ARHGEF6: variants seen among roughly 807,000 people sequenced by gnomAD.
ARHGEF6 encodes the protein rho guanine nucleotide exchange factor 6.
Under a neutral mutation model 70.3 loss-of-function variants are expected in ARHGEF6, and 9 were observed. The ratio of observed to expected loss-of-function variants is 0.13; its 90% CI spans 0.08 to 0.22. The LOEUF is 0.22. Among genes scored for constraint, ARHGEF6 ranks in the 10% least tolerant of loss-of-function variants. The probability of loss-of-function intolerance (pLI) is 1.00; values close to 1 mark genes in which losing one functional copy is unlikely to be tolerated. For missense variants in ARHGEF6, 470 were observed against 563.0 expected, an observed-to-expected ratio of 0.83 and a Z score of 1.67; for synonymous variants, 201 against 207.8, an observed-to-expected ratio of 0.97 and a Z score of 0.28.
rs182662351 is a variant in ARHGEF6, at chrX:136,697,417, G to A, written c.1047-6669C>T. On this transcript the variant is annotated intron_variant, in intron 9 of 21. Transcript: ENST00000250617. Reference sequence around the variant, plus strand: ...GGATCAGAAGAAACCTCAAAGTCTAGTCTCAAAAAGTGTCTCCACTTGAAC... The same window carrying A: ...GGATCAGAAGAAACCTCAAAGTCTAATCTCAAAAAGTGTCTCCACTTGAAC... Among the ~76,000 whole-genome samples, 96 of 111,951 alleles carry A rather than the reference G, an allele frequency of 8.6e-4. 1 individual carries two copies. Among genetic ancestry groups the A allele is most frequent in the African/African-American group, 3.1e-3 (94 of 30,809 alleles).
chrX:136,775,244 A>C (rs2077395006), intron 2 of ARHGEF6, among the ~76,000 whole-genome samples: 1 of 111,503 alleles, frequency 9.0e-6, no homozygotes, highest in African/African-American at 3.3e-5. Flanking sequence ...ACATGACAAA[A>C]AAAGAAAACT....
At chrX:136,776,952 C>T (rs997757144) in intron 2 of ARHGEF6, among the ~76,000 whole-genome samples, 2 of 111,275 alleles carry the variant, frequency 1.8e-5, no homozygotes, top group Non-Finnish European at 3.8e-5. Context: ...AGGCCGGGTG[C>T]GGTGGCTCAC....
At chrX:136,752,476 G>T (rs908456541) in intron 2 of ARHGEF6, among the ~76,000 whole-genome samples, 1 of 112,255 alleles carries the variant, frequency 8.9e-6, no homozygotes, top group Non-Finnish European at 1.9e-5. Flanking sequence ...CACGTGCAAT[G>T]ACACCTAGCC....
At chrX:136,767,028 G>C in intron 2 of ARHGEF6, 2 of 671,173 alleles carry the variant, frequency 3.0e-6, no homozygotes, top group Non-Finnish European at 3.6e-6. Context: ...CTGGGGCTGC[G>C]AGCCACGGCA....
At chrX:136,680,063 A>G (rs2076318171) in intron 15 of ARHGEF6, among the ~76,000 whole-genome samples, 1 of 112,570 alleles carries the variant, frequency 8.9e-6, no homozygotes, top group African/African-American at 3.2e-5. Context: ...GCAACTAACT[A>G]GTAATTGGCA....
intron 2 of ARHGEF6, among the ~76,000 whole-genome samples, chrX:136,765,484 G>A (rs2077304687): frequency 8.9e-6 from 1 of 111,902 alleles, no homozygotes; most frequent in Admixed American, 9.5e-5. Context: ...CAGACTGTAG[G>A]TAAATAGAAA....
chrX:136,714,058 T>C (rs181669357), intron 6 of ARHGEF6, among the ~76,000 whole-genome samples: 60 of 112,135 alleles, frequency 5.4e-4, no homozygotes, highest in South Asian at 1.1e-3. Flanking sequence ...AGTCTTTTCT[T>C]AAAGGCAAAA....
chrX:136,686,724 A>G (rs1169746956), intron 11 of ARHGEF6, among the ~76,000 whole-genome samples: 3 of 90,746 alleles, frequency 3.3e-5, no homozygotes, highest in African/African-American at 7.9e-5. Context: ...ATATATATAT[A>G]TATATATATA....
chrX:136,670,646 T>C (rs1036728564), intron 20 of ARHGEF6, among the ~76,000 whole-genome samples: 1 of 111,143 alleles, frequency 9.0e-6, no homozygotes, highest in African/African-American at 3.3e-5. Flanking sequence ...ATTCCCGTCA[T>C]AAGGTTTTGA....
intron 6 of ARHGEF6, among the ~76,000 whole-genome samples, chrX:136,720,184 C>G (rs2076780919): frequency 8.9e-6 from 1 of 111,839 alleles, no homozygotes; most frequent in African/African-American, 3.2e-5. Context: ...AAAGACATTA[C>G]AAGAAAACTA....
At chrX:136,732,890 A>G (rs1200333160) in intron 5 of ARHGEF6, among the ~76,000 whole-genome samples, 1 of 111,832 alleles carries the variant, frequency 8.9e-6, no homozygotes, top group Non-Finnish European at 1.9e-5. Context: ...AATTTACTAT[A>G]CAAGTATAAT....
intron 15 of ARHGEF6, among the ~76,000 whole-genome samples, chrX:136,679,975 A>AT (rs1182791071): frequency 8.9e-6 from 1 of 112,123 alleles, no homozygotes; most frequent in Non-Finnish European, 1.9e-5. Flanking sequence ...GAGTTCAGTG[A>AT]TATGTTTGGC....
intron 2 of ARHGEF6, among the ~76,000 whole-genome samples, chrX:136,775,349 T>C (rs746699011): frequency 8.9e-6 from 1 of 112,033 alleles, no homozygotes; most frequent in East Asian, 2.8e-4. Flanking sequence ...TAATACACCA[T>C]GATCAAATGG....
intron 2 of ARHGEF6, among the ~76,000 whole-genome samples, chrX:136,750,741 T>C (rs778277315): frequency 1.8e-5 from 2 of 111,805 alleles, no homozygotes; most frequent in Non-Finnish European, 3.8e-5. Context: ...TTATTAAAGA[T>C]ATTTTAAGTA....
Position 136,693,336 on chromosome X carries a change from C to A in ARHGEF6, c.1047-2588G>T, listed in dbSNP as rs190110341. Among the ~76,000 whole-genome samples the A allele has an allele frequency of 8.5e-3, 947 of 111,853 alleles. 4 individuals are homozygous for A. The highest frequency in any genetic ancestry group is 0.056 in the Middle Eastern group (12 of 214). On this transcript the variant is annotated intron_variant, in intron 9 of 21. Transcript: ENST00000250617. ...AGAAAAGATAATTTTACTAGGGCAA[C>A]AAAAGAACAAAATTGTCCTAAAATG...
At chrX:136,747,913 C>T (rs139241272) in intron 2 of ARHGEF6, among the ~76,000 whole-genome samples, 2 of 110,716 alleles carry the variant, frequency 1.8e-5, no homozygotes, top group Non-Finnish European at 3.8e-5. Context: ...TCAATAGTTT[C>T]AGCCCAGTTA....
At chrX:136,747,638 A>T in intron 2 of ARHGEF6, 46 bp from the exon 3 acceptor site, 1 of 885,729 alleles carries the variant, frequency 1.1e-6, no homozygotes, top group Non-Finnish European at 1.6e-6. Flanking sequence ...CAAGTATTCA[A>T]CTCAACAAAC....
intron 6 of ARHGEF6, among the ~76,000 whole-genome samples, chrX:136,727,395 T>TTCTTTCTTTCTC (rs1491576833): frequency 5.8e-4 from 31 of 53,597 alleles, no homozygotes; most frequent in Non-Finnish European, 8.3e-4. Context: ...CTTTCTTTCT[T>TTCTTTCTTTCTC]TCTCTCTCTC....
At position 136,706,893 on chromosome X, in the gene ARHGEF6, A is replaced by G. The variant is rs185511624; in HGVS notation, c.1046+15T>C. The stretch of plus-strand genomic sequence containing the variant: ...GGATCTCATTGCAAAAGTTGGGGAA[A>G]TGTTAACTATTTACCTGTGCTGAGT... On this transcript the variant is annotated intron_variant, in intron 9 of 21. Coordinates refer to ENST00000250617, the MANE Select transcript of ARHGEF6 (RefSeq NM_004840.3). 2 of 1,210,055 alleles carry G rather than the reference A, an allele frequency of 1.7e-6. No homozygotes were observed. The highest frequency in any genetic ancestry group is 2.3e-4 in the Middle Eastern group (1 of 4,354).
Sources: allele counts gnomAD v4.1 joint callset (sites outside exome capture counted in the v4.1 genomes callset), GRCh38; gene constraint gnomAD v4.1.1; transcripts MANE v1.5; gene names NCBI Gene and HGNC (gene_info 2026-07-23, HGNC 2026-07-21).